The following ITGA9 variants were observed in gnomAD, a reference collection of about 807,000 sequenced individuals.
The protein encoded by ITGA9 is integrin alpha-9.
ITGA9 carries 56 observed loss-of-function variants against 127.8 expected under a neutral mutation model. That is an observed-to-expected ratio of 0.44 (90% CI 0.35 to 0.55). The LOEUF (loss-of-function observed/expected upper bound fraction) is 0.55. Among genes scored for constraint, ITGA9 ranks in the 20% least tolerant of loss-of-function variants. ITGA9 has a pLI of 0.00. For missense variants in ITGA9, 1,196 were observed against 1,347.1 expected (o/e 0.89, Z 1.76); for synonymous variants, 508 against 514.5 (o/e 0.99, Z 0.17).
intron 18 of ITGA9, among the ~76,000 whole-genome samples, chr3:37,718,274 C>T (rs1303546484): frequency 6.6e-6 from 1 of 152,164 alleles, no homozygotes; most frequent in Non-Finnish European, 1.5e-5. Flanking sequence ...ACTTGTTGAA[C>T]GAGTAGATGG....
At chr3:37,572,860 C>T (rs1699615234) in intron 15 of ITGA9, among the ~76,000 whole-genome samples, 1 of 152,216 alleles carries the variant, frequency 6.6e-6, no homozygotes, top group Non-Finnish European at 1.5e-5. Flanking sequence ...CATCACCTCT[C>T]ACTCTCATTT....
chr3:37,548,348 G>C (rs1699347628), intron 15 of ITGA9, among the ~76,000 whole-genome samples: 1 of 152,230 alleles, frequency 6.6e-6, no homozygotes, highest in South Asian at 2.1e-4. Context: ...CAACTTTCTG[G>C]GGCGATGAAC....
intron 15 of ITGA9, among the ~76,000 whole-genome samples, chr3:37,578,019 A>G (rs539760912): frequency 6.6e-6 from 1 of 152,304 alleles, no homozygotes; most frequent in Non-Finnish European, 1.5e-5. Flanking sequence ...AATTCTTGCT[A>G]TTTAATCTCA....
chr3:37,572,819 C>T (rs1444058397), intron 15 of ITGA9, among the ~76,000 whole-genome samples: 2 of 152,142 alleles, frequency 1.3e-5, no homozygotes, highest in Admixed American at 6.5e-5. Flanking sequence ...CTTTAAGCCT[C>T]GTTTAATTTT....
intron 18 of ITGA9, among the ~76,000 whole-genome samples, chr3:37,719,946 T>A (rs956064519): frequency 1.3e-5 from 2 of 152,160 alleles, no homozygotes; most frequent in Non-Finnish European, 2.9e-5. Flanking sequence ...TATGTTATTT[T>A]TCTGGAGGGC....
At chr3:37,667,979 T>C (rs1700601431) in intron 17 of ITGA9, among the ~76,000 whole-genome samples, 1 of 152,162 alleles carries the variant, frequency 6.6e-6, no homozygotes, top group Non-Finnish European at 1.5e-5. Context: ...TGATTTGCAG[T>C]TTCCTGAATG....
intron 15 of ITGA9, among the ~76,000 whole-genome samples, chr3:37,568,897 A>C (rs568041504): frequency 1.3e-5 from 2 of 152,148 alleles, no homozygotes; most frequent in Non-Finnish European, 2.9e-5. Flanking sequence ...AACTGTTCCA[A>C]CCTCTGCCTG....
At chr3:37,549,942 G>T (rs774612238) in intron 15 of ITGA9, among the ~76,000 whole-genome samples, 3 of 152,214 alleles carry the variant, frequency 2.0e-5, no homozygotes, top group Non-Finnish European at 4.4e-5. Context: ...TTTTGAAAAT[G>T]ATTTTAAAAG....
At chr3:37,679,591 C>T (rs1446699007) in intron 17 of ITGA9, among the ~76,000 whole-genome samples, 1 of 152,092 alleles carries the variant, frequency 6.6e-6, no homozygotes, top group Non-Finnish European at 1.5e-5. Flanking sequence ...AGCTGATGAT[C>T]TGTTGTGGGG....
chr3:37,607,792 A>C (rs1004920675), intron 15 of ITGA9, among the ~76,000 whole-genome samples: 2 of 152,216 alleles, frequency 1.3e-5, no homozygotes, highest in Non-Finnish European at 2.9e-5. Context: ...TAGAAACAAC[A>C]TCGTGCCCAG....
At chr3:37,470,954 C>A in intron 1 of ITGA9, 53 bp from the exon 2 acceptor site, 2 of 1,608,288 alleles carry the variant, frequency 1.2e-6, no homozygotes, top group Non-Finnish European at 1.7e-6. Flanking sequence ...AGCCATCTGC[C>A]TCCTATTTTC....
At chr3:37,739,373 C>T (rs1484674819) in intron 20 of ITGA9, among the ~76,000 whole-genome samples, 1 of 152,214 alleles carries the variant, frequency 6.6e-6, no homozygotes, top group Non-Finnish European at 1.5e-5. Flanking sequence ...TTCAGATGCT[C>T]ATTTCTTTTC....
intron 15 of ITGA9, among the ~76,000 whole-genome samples, chr3:37,599,891 C>T (rs1040271766): frequency 1.3e-5 from 2 of 152,150 alleles, no homozygotes; most frequent in African/African-American, 4.8e-5. Context: ...TGTAGGTTTA[C>T]CCTTCCCTGA....
rs569882154 is a variant in ITGA9 at position 37,705,192 on chromosome 3, T to C, written c.2067+21177T>C. 1.2e-4 allele frequency among the ~76,000 whole-genome samples: 18 copies of C among 152,346 alleles called. No homozygotes were observed. The East Asian group carries it at 3.5e-3, about 29-fold the overall frequency. ...ACAGGTATTAAGTATACCGTTATCA[T>C]TTTTCCTTACTTTAGAAGATAAGCC... On this transcript the variant is annotated intron_variant, in intron 18 of 27. Coordinates refer to ENST00000264741, the MANE Select transcript of ITGA9 (RefSeq NM_002207.3).
chr3:37,488,074 C>G (rs1490262837), intron 4 of ITGA9, among the ~76,000 whole-genome samples: 2 of 152,124 alleles, frequency 1.3e-5, no homozygotes, highest in Non-Finnish European at 2.9e-5. Context: ...GTTTGTCTGT[C>G]CATGCTTTGG....
In ITGA9 at chr3:37,794,578, C is replaced by T. The variant is rs372489326; in HGVS notation, c.2890-9245C>T. 3.3e-5 allele frequency among the ~76,000 whole-genome samples: 5 copies of T among 152,308 alleles called. No individual in the cohort carries two copies. The East Asian group carries it at 5.8e-4, about 18-fold the overall frequency. ...ATGAAGACTCCTCGGGATTCTCCAT[C>T]GCTTGAGGTAAATGAGCTCCATCCC... On this transcript the variant is annotated intron_variant, in intron 26 of 27. Coordinates refer to ENST00000264741, the MANE Select transcript of ITGA9 (RefSeq NM_002207.3).
chr3:37,630,331 G>A (rs543496330), intron 16 of ITGA9, among the ~76,000 whole-genome samples: 8 of 152,186 alleles, frequency 5.3e-5, no homozygotes, highest in African/African-American at 1.9e-4. Flanking sequence ...TTCCCTAGAA[G>A]CAGAGCCTGA....
intron 26 of ITGA9, among the ~76,000 whole-genome samples, chr3:37,787,008 G>C (rs528116009): frequency 7.2e-5 from 11 of 152,322 alleles, no homozygotes; most frequent in Admixed American, 5.9e-4. Flanking sequence ...TTACTACTTA[G>C]GGTCAGTTTT....
intron 18 of ITGA9, among the ~76,000 whole-genome samples, chr3:37,704,678 G>T (rs565998189): frequency 6.6e-6 from 1 of 152,318 alleles, no homozygotes; most frequent in South Asian, 2.1e-4. Flanking sequence ...CAACACCGGT[G>T]ACTTGCTGGA....
Sources: gnomAD v4.1 joint callset for allele counts (sites outside exome capture counted in the v4.1 genomes callset) on GRCh38, gnomAD v4.1.1 for gene constraint, MANE v1.5 for transcripts, NCBI Gene and HGNC (gene_info 2026-07-23, HGNC 2026-07-21) for gene names.